RFX6: variants seen among roughly 807,000 people sequenced by gnomAD.
RFX6 encodes the protein regulatory factor X6.
RFX6 carries 50 observed loss-of-function variants against 110.8 expected under a neutral mutation model. That is an observed-to-expected ratio of 0.45 (90% CI 0.36 to 0.57). The LOEUF is 0.57. Among genes scored for constraint, RFX6 ranks in the 20% least tolerant of loss-of-function variants. The pLI, the probability that RFX6 is intolerant of heterozygous loss-of-function variation, is 0.00. For synonymous variants in RFX6, 383 were observed against 411.2 expected (o/e 0.93, Z 0.83); for missense variants, 990 against 1,127.0 (o/e 0.88, Z 1.74).
intron 6 of RFX6, among the ~76,000 whole-genome samples, chr6:116,908,669 TACACACACACACACACACAGAC>T (rs1237722094): frequency 0.01 from 1,027 of 102,370 alleles, 10 homozygotes; most frequent in African/African-American, 0.028. Context: ...ATTTCTAGCA[TACACACACACACACACACAGAC>T]ACACACACAC....
At chr6:116,913,354 G>A (rs6927262) in intron 7 of RFX6, among the ~76,000 whole-genome samples, 53,277 of 152,030 alleles carry the variant, frequency 0.35, 9,587 homozygotes, top group African/African-American at 0.42. Flanking sequence ...AAGCCACCGC[G>A]CCCAGCCAGC....
chr6:116,877,419 G>A lies in RFX6; in HGVS notation c.144G>A (p.Ala48=). Residue 48 remains alanine, a synonymous_variant, in exon 1 of 19, where the codon GCG becomes GCA. Transcript: ENST00000332958. The part of the protein sequence containing the change: ...LVYPEETVYL[A]AEGQPGGEQG... ...ATCCGGAAGAAACAGTGTACCTGGCGGCCGAAGGGCAGCCCGGGGGCGAGC... is the reference window on the plus strand; with the variant it reads ...ATCCGGAAGAAACAGTGTACCTGGCAGCCGAAGGGCAGCCCGGGGGCGAGC... 1 of 1,600,402 alleles carries A rather than the reference G, an allele frequency of 6.2e-7. No homozygotes were observed. Among genetic ancestry groups the A allele is most frequent in the Non-Finnish European group, 8.5e-7 (1 of 1,173,308 alleles).
At chr6:116,916,432 T>C (rs1582530817) in intron 9 of RFX6, 118 bp downstream of exon 9, 1 of 651,694 alleles carries the variant, frequency 1.5e-6, no homozygotes, top group East Asian at 3.0e-5. Context: ...ATACACTGTC[T>C]TTTTTTTTGA....
chr6:116,916,165 A>G, intron 8 of RFX6, 36 bp from the exon 9 acceptor site: 3 of 1,572,366 alleles, frequency 1.9e-6, no homozygotes, highest in Non-Finnish European at 2.6e-6. Flanking sequence ...CATGTTAAAG[A>G]AAAAAATCTT....
At chr6:116,894,116 A>G (rs1276815110) in intron 5 of RFX6, 52 bp downstream of exon 5, 2 of 925,026 alleles carry the variant, frequency 2.2e-6, no homozygotes, top group Non-Finnish European at 3.6e-6. Flanking sequence ...TTAAATATGC[A>G]TGATACCTAT....
intron 1 of RFX6, 54 bp from the exon 2 acceptor site, chr6:116,877,742 C>T: frequency 6.3e-7 from 1 of 1,578,540 alleles, no homozygotes; most frequent in Non-Finnish European, 8.7e-7. Context: ...TTAAAGGCGA[C>T]TTAGTTGATT....
chr6:116,912,214 AAACT>A (rs1325390333), intron 7 of RFX6, among the ~76,000 whole-genome samples: 2 of 152,082 alleles, frequency 1.3e-5, no homozygotes. Context: ...ATGGGTTGAA[AAACT>A]AACTATTGGG....
rs9387438 is a variant in RFX6 at position 116,915,364 on chromosome 6, A to C, written c.781-644A>C. On this transcript the variant is annotated intron_variant, in intron 7 of 18. Coordinates refer to ENST00000332958, the MANE Select transcript of RFX6 (RefSeq NM_173560.4). Reference sequence around the variant, plus strand: ...CTTACTGGGTGCCAGGCACTGTTCCATATGTGTCACATCCTATTTTATTTG... The same window carrying C: ...CTTACTGGGTGCCAGGCACTGTTCCCTATGTGTCACATCCTATTTTATTTG... Among the ~76,000 whole-genome samples, 5 of 152,172 alleles carry C rather than the reference A, an allele frequency of 3.3e-5. No individual in the cohort carries two copies. In the South Asian group the frequency reaches 1.0e-3, roughly 32 times the overall value.
chr6:116,902,283 A>G (rs1775091561), intron 6 of RFX6, among the ~76,000 whole-genome samples: 1 of 152,044 alleles, frequency 6.6e-6, no homozygotes, highest in African/African-American at 2.4e-5. Flanking sequence ...TCATGTCTTA[A>G]TCAGGATGGT....
rs639170 is a variant in RFX6, at chr6:116,931,084, C to T, written c.2612-247C>T. On this transcript the variant is annotated intron_variant, in intron 18 of 18. Coordinates refer to ENST00000332958, the MANE Select transcript of RFX6 (RefSeq NM_173560.4). ...AGGTTGATTGGGGGATATATTTTGG[C>T]GGTAGCACTTAAGTTGAAATGGAGT... Among the ~76,000 whole-genome samples the T allele has an allele frequency of 0.24, 36,881 of 151,698 alleles. 4,855 individuals carry two copies. Among genetic ancestry groups the T allele is most frequent in the South Asian group, 0.42 (2,008 of 4,796 alleles).
chr6:116,924,603 C>T lies in RFX6; in HGVS notation c.1556-66C>T, dbSNP rs1460723408. 4 of 1,414,088 alleles carry T rather than the reference C, an allele frequency of 2.8e-6. No individual in the cohort carries two copies. In the African/African-American group the frequency reaches 5.6e-5, roughly 20 times the overall value. The allele number at this position is 1,414,088 out of a possible 1,614,324, so 87.6% of individuals were successfully genotyped here. A position where few individuals can be genotyped will look rare whatever the true frequency, so the allele number is the denominator to read the frequency against. ...AGATAACTGACTTCTCTTTCCCTTT[C>T]CTTCTCTTTCTCTCCCCTTTTTACA... On this transcript the variant is annotated intron_variant, in intron 14 of 18. Transcript: ENST00000332958.
At chr6:116,887,061 CAA>C (rs1562133541) in intron 4 of RFX6, among the ~76,000 whole-genome samples, 2 of 151,812 alleles carry the variant, frequency 1.3e-5, no homozygotes, top group Non-Finnish European at 2.9e-5. Context: ...GACTCCATCT[CAA>C]AACATAACAA....
At chr6:116,907,982 C>T (rs1294420005) in intron 6 of RFX6, among the ~76,000 whole-genome samples, 1 of 151,770 alleles carries the variant, frequency 6.6e-6, no homozygotes, top group Non-Finnish European at 1.5e-5. Context: ...ATCTTTTTTG[C>T]CTAATCAAAA....
At chr6:116,924,589 T>G in intron 14 of RFX6, 80 bp from the exon 15 acceptor site, 2 of 1,281,388 alleles carry the variant, frequency 1.6e-6, no homozygotes, top group Non-Finnish European at 2.3e-6. Flanking sequence ...GATAACTGAC[T>G]TCTCTTTCCC....
At chr6:116,902,066 T>G (rs1275082699) in intron 6 of RFX6, among the ~76,000 whole-genome samples, 2 of 151,992 alleles carry the variant, frequency 1.3e-5, no homozygotes, top group African/African-American at 2.4e-5. Context: ...AAACCTAAAG[T>G]TGAGTGAAAA....
intron 16 of RFX6, 53 bp downstream of exon 16, chr6:116,925,712 C>CAA: frequency 8.0e-7 from 1 of 1,245,890 alleles, no homozygotes; most frequent in Non-Finnish European, 1.2e-6. Context: ...AAGCCTGTTG[C>CAA]TTCATTTTTC....
At chr6:116,925,891 T>C (rs1775716147) in intron 16 of RFX6, among the ~76,000 whole-genome samples, 1 of 141,554 alleles carries the variant, frequency 7.1e-6, no homozygotes, top group Non-Finnish European at 1.5e-5. Flanking sequence ...ATTAGAAGTA[T>C]GAATAATTAG....
chr6:116,908,187 T>C (rs1347705862), intron 6 of RFX6, among the ~76,000 whole-genome samples: 1 of 152,136 alleles, frequency 6.6e-6, no homozygotes, highest in Non-Finnish European at 1.5e-5. Flanking sequence ...GTAACCACTA[T>C]TCTATTCTCT....
chr6:116,916,451 CAAG>C, intron 9 of RFX6, 137 bp downstream of exon 9: 1 of 685,304 alleles, frequency 1.5e-6, no homozygotes, highest in South Asian at 1.6e-5. Context: ...GATGAGAAAG[CAAG>C]CAATTTAATA....
Sources: gnomAD v4.1 joint callset for allele counts (sites outside exome capture counted in the v4.1 genomes callset) on GRCh38, gnomAD v4.1.1 for gene constraint, MANE v1.5 for transcripts, NCBI Gene and HGNC (gene_info 2026-07-23, HGNC 2026-07-21) for gene names.